Variants in ODF2L observed in about 807,000 individuals in gnomAD.
ODF2L encodes the protein protein BCAP.
In ODF2L, 76 loss-of-function variants were observed where a neutral mutation model predicts 86.3. That is an observed-to-expected ratio of 0.88 (90% CI 0.73 to 1.07). The LOEUF (loss-of-function observed/expected upper bound fraction) is 1.07. Ranked by LOEUF, ODF2L falls within the 50% of genes least tolerant of loss-of-function variation. ODF2L has a pLI of 0.00. For missense variants in ODF2L, 748 were observed against 717.4 expected (o/e 1.04, Z -0.49); for synonymous variants, 241 against 231.3 (o/e 1.04, Z -0.38).
rs771442883 is a variant in ODF2L, at chr1:86,369,337, G to A, written c.1057-615C>T. On this transcript the variant is annotated intron_variant, in intron 10 of 17. Coordinates refer to ENST00000317336, the Ensembl canonical transcript of ODF2L. ...AAATCTTTCTTAACAAAAAGTAGCC[G>A]AAATAAGTGCATTACTAAATACATT... Among the ~76,000 whole-genome samples the A allele has an allele frequency of 3.3e-5, 5 of 152,244 alleles. No individual in the cohort carries two copies. The East Asian group carries it at 7.7e-4, about 23-fold the overall frequency.
chr1:86,385,438 TATATTC>T lies in ODF2L; in HGVS notation c.246+14_246+19del. On this transcript the variant is annotated intron_variant, in intron 3 of 17. Coordinates refer to ENST00000317336, the Ensembl canonical transcript of ODF2L. ...ATTATACTAGCTTTTCATTTTATTATATATTCATAAGTCACTCACATTTTCAAAATT... is the reference window on the plus strand; with the variant it reads ...ATTATACTAGCTTTTCATTTTATTATATAAGTCACTCACATTTTCAAAATT... The T allele has an allele frequency of 1.4e-6, 2 of 1,460,370 alleles. No homozygotes were observed. 90.5% of individuals were successfully genotyped at this position (1,460,370 alleles called of 1,614,324 possible).
Position 86,385,449 on chromosome 1 carries a change from G to A in ODF2L, c.246+9C>T, listed in dbSNP as rs1263830842. 2.0e-6 allele frequency: 3 copies of A among 1,535,780 alleles called. No homozygotes were observed. The highest frequency in any genetic ancestry group is 2.7e-6 in the Non-Finnish European group (3 of 1,114,012). On this transcript the variant is annotated intron_variant, in intron 3 of 17. Transcript: ENST00000317336. ...TTTTCATTTTATTATATATTCATAA[G>A]TCACTCACATTTTCAAAATTAATCT...
chr1:86,380,672 C>T (rs948614610), intron 7 of ODF2L, among the ~76,000 whole-genome samples: 2 of 152,032 alleles, frequency 1.3e-5, no homozygotes, highest in Non-Finnish European at 2.9e-5. Flanking sequence ...AATGAATGAA[C>T]ACATAAAGCT....
chr1:86,375,535 C>T (rs1660107240), intron 8 of ODF2L, among the ~76,000 whole-genome samples: 1 of 152,064 alleles, frequency 6.6e-6, no homozygotes, highest in African/African-American at 2.4e-5. Context: ...ATCAGTGAGA[C>T]TTTTTTAAAA....
exon 18 of ODF2L, chr1:86,350,615 C>T (rs1482561361): frequency 6.6e-6 from 1 of 152,018 alleles, no homozygotes; most frequent in African/African-American, 2.4e-5. Context: ...GGGTATATAC[C>T]CAGTAATGGG....
chr1:86,364,572 C>T (rs1659269040), intron 11 of ODF2L, among the ~76,000 whole-genome samples: 1 of 152,168 alleles, frequency 6.6e-6, no homozygotes, highest in South Asian at 2.1e-4. Context: ...TCCCTTGCAG[C>T]TAGGCAGGGG....
At position 86,385,059 on chromosome 1, in the gene ODF2L, TCTA is replaced by T. The variant is rs532830224; in HGVS notation, c.247-261_247-259del. Among the ~76,000 whole-genome samples the T allele has an allele frequency of 1.5e-3, 223 of 152,054 alleles. 1 individual carries two copies. Among genetic ancestry groups the T allele is most frequent in the African/African-American group, 5.2e-3 (216 of 41,552 alleles). On this transcript the variant is annotated intron_variant, in intron 3 of 17. Transcript: ENST00000317336. ...TTCAAATAAAAGTTATAGAAGATAA[TCTA>T]CTGTTTGTCCCTAATTTAAACTTTA...
intron 12 of ODF2L, among the ~76,000 whole-genome samples, chr1:86,360,164 T>C (rs1004356245): frequency 2.0e-5 from 3 of 152,122 alleles, no homozygotes; most frequent in Non-Finnish European, 4.4e-5. Context: ...ACATTAAGGG[T>C]CACATTATAC....
At chr1:86,365,302 G>A (rs536671409) in intron 11 of ODF2L, among the ~76,000 whole-genome samples, 36 of 152,196 alleles carry the variant, frequency 2.4e-4, no homozygotes, top group Non-Finnish European at 4.1e-4. Context: ...TAGCCATTAC[G>A]GTTGCTACTC....
chr1:86,364,676 C>A (rs1376499208), intron 11 of ODF2L, among the ~76,000 whole-genome samples: 1 of 152,048 alleles, frequency 6.6e-6, no homozygotes, highest in Admixed American at 6.6e-5. Context: ...GGAGGTAATG[C>A]ATCTTTTTTT....
At chr1:86,354,434 T>A (rs996859572) in intron 16 of ODF2L, 96 bp downstream of exon 15, 25 of 772,096 alleles carry the variant, frequency 3.2e-5, no homozygotes, top group Admixed American at 7.5e-5. Context: ...CACCCTGTCA[T>A]CAGGACAAAA....
At position 86,354,875 on chromosome 1, in the gene ODF2L, A is replaced by G; in HGVS notation, c.1519-16T>C. 6.9e-7 allele frequency: 1 copy of G among 1,459,644 alleles called. No individual in the cohort carries two copies. Among genetic ancestry groups the G allele is most frequent in the Non-Finnish European group, 9.4e-7 (1 of 1,060,586 alleles). 90.4% of individuals were successfully genotyped at this position (1,459,644 alleles called of 1,614,324 possible). A position where few individuals can be genotyped will look rare whatever the true frequency, so the allele number is the denominator to read the frequency against. On this transcript the variant is annotated splice_polypyrimidine_tract_variant and intron_variant, in intron 14 of 17. Transcript: ENST00000317336. ...TTCCATCAACCTAAAAGAAAAAAAA[A>G]AGTTTTCTTAGTCATTTTCTTCACA...
intron 7 of ODF2L, among the ~76,000 whole-genome samples, chr1:86,377,809 C>T (rs1341021471): frequency 6.6e-6 from 1 of 152,230 alleles, no homozygotes; most frequent in Non-Finnish European, 1.5e-5. Context: ...ACCACTTTTT[C>T]CTCCTAGGCC....
intron 11 of ODF2L, among the ~76,000 whole-genome samples, chr1:86,366,618 T>G (rs1361703813): frequency 6.3e-5 from 7 of 111,322 alleles, no homozygotes; most frequent in East Asian, 2.7e-4. Flanking sequence ...AAAAAAAAAG[T>G]GCCAATTGGA....
chr1:86,373,342 T>C (rs958650280), intron 8 of ODF2L, among the ~76,000 whole-genome samples: 2 of 150,560 alleles, frequency 1.3e-5, no homozygotes, highest in Admixed American at 1.3e-4. Context: ...GGCACGGTCA[T>C]GATGGTTCAC....
At chr1:86,390,456 G>C (rs941640133) in intron 1 of ODF2L, among the ~76,000 whole-genome samples, 1 of 151,940 alleles carries the variant, frequency 6.6e-6, no homozygotes, top group Non-Finnish European at 1.5e-5. Flanking sequence ...CTAGCTCACC[G>C]AATTCAACAT....
At chr1:86,368,832 T>C in intron 10 of ODF2L, 3 of 910,462 alleles carry the variant, frequency 3.3e-6, no homozygotes, top group Non-Finnish European at 4.4e-6. Context: ...AAATAGGGAA[T>C]CACCTAACAC....
At chr1:86,390,345 A>C (rs1478389655) in intron 1 of ODF2L, among the ~76,000 whole-genome samples, 1 of 152,128 alleles carries the variant, frequency 6.6e-6, no homozygotes, top group Non-Finnish European at 1.5e-5. Context: ...GCTTGAACCC[A>C]GGAGGCGGAG....
rs1222793043 is a variant in ODF2L at position 86,362,034 on chromosome 1, G to A, written c.1144-1498C>T. Among the ~76,000 whole-genome samples the A allele has an allele frequency of 3.3e-5, 5 of 152,278 alleles. No homozygotes were observed. The East Asian group carries it at 7.7e-4, about 24-fold the overall frequency. On this transcript the variant is annotated intron_variant, in intron 11 of 17. Coordinates refer to ENST00000317336, the Ensembl canonical transcript of ODF2L. ...AGAGACTTTTGAGTAAAACTGATAG[G>A]AAGTGTGTCTGTTTAAGGGAAAAAG...
Sources: allele counts gnomAD v4.1 joint callset (sites outside exome capture counted in the v4.1 genomes callset), GRCh38; gene constraint gnomAD v4.1.1; transcripts MANE v1.5; gene names NCBI Gene and HGNC (gene_info 2026-07-23, HGNC 2026-07-21).